The following RAB3GAP1 variants were observed in gnomAD, a reference collection of about 807,000 sequenced individuals.
The protein encoded by RAB3GAP1 is rab3 GTPase-activating protein catalytic subunit.
Under a neutral mutation model 130.7 loss-of-function variants are expected in RAB3GAP1, and 86 were observed. That is an observed-to-expected ratio of 0.66 (90% CI 0.55 to 0.79). The LOEUF is 0.79. RAB3GAP1 is among the 30% of genes least tolerant of loss of function. The pLI is 0.00. For synonymous variants in RAB3GAP1, 367 were observed against 401.7 expected (o/e 0.91, Z 1.03); for missense variants, 1,029 against 1,169.4 (o/e 0.88, Z 1.75).
intron 3 of RAB3GAP1, among the ~76,000 whole-genome samples, chr2:135,068,346 T>C (rs1178810452): frequency 6.6e-6 from 1 of 152,142 alleles, no homozygotes; most frequent in East Asian, 1.9e-4. Context: ...GCACAATAAC[T>C]AAATTTGTGA....
intron 19 of RAB3GAP1, among the ~76,000 whole-genome samples, chr2:135,158,388 G>GGGGCATTTCATAGAGAGC (rs1222264727): frequency 1.3e-5 from 2 of 152,120 alleles, no homozygotes; most frequent in African/African-American, 4.8e-5. Flanking sequence ...AAAAAAGATG[G>GGGGCATTTCATAGAGAGC]GGGCATTTCA....
intron 3 of RAB3GAP1, among the ~76,000 whole-genome samples, chr2:135,066,365 A>G (rs1046081236): frequency 6.6e-6 from 1 of 152,248 alleles, no homozygotes; most frequent in African/African-American, 2.4e-5. Flanking sequence ...AGCACCAGCT[A>G]TGGTATTGGT....
At chr2:135,125,046 A>G (rs1319339506) in intron 9 of RAB3GAP1, among the ~76,000 whole-genome samples, 2 of 152,266 alleles carry the variant, frequency 1.3e-5, no homozygotes, top group Admixed American at 1.3e-4. Flanking sequence ...TGCAACCATC[A>G]TAATCATCTA....
intron 8 of RAB3GAP1, 111 bp from the exon 9 acceptor site, chr2:135,124,054 C>T (rs1355097666): frequency 2.0e-6 from 2 of 1,017,008 alleles, no homozygotes; most frequent in Admixed American, 3.9e-5. Context: ...TAACTTGCTA[C>T]ATGTGTTCTC....
intron 5 of RAB3GAP1, among the ~76,000 whole-genome samples, chr2:135,108,991 A>G (rs180982997): frequency 6.6e-6 from 1 of 152,092 alleles, no homozygotes; most frequent in Admixed American, 6.5e-5. Context: ...GACTATATTT[A>G]TCTGGGTCTA....
At chr2:135,071,641 T>C (rs1689474827) in intron 3 of RAB3GAP1, among the ~76,000 whole-genome samples, 1 of 152,168 alleles carries the variant, frequency 6.6e-6, no homozygotes, top group South Asian at 2.1e-4. Flanking sequence ...AGGAAGGAGC[T>C]GGAGGGGCCT....
chr2:135,102,973 C>T (rs562556184), intron 5 of RAB3GAP1, among the ~76,000 whole-genome samples: 2 of 134,440 alleles, frequency 1.5e-5, no homozygotes, highest in South Asian at 4.7e-4. Flanking sequence ...CAAGATCGCA[C>T]ACCAGACTGG....
chr2:135,173,529 G>C (rs542440913), downstream of RAB3GAP1, among the ~76,000 whole-genome samples: 1 of 152,284 alleles, frequency 6.6e-6, no homozygotes, highest in Non-Finnish European at 1.5e-5. Flanking sequence ...TCTATGCAGA[G>C]GAGCAAATGC....
Position 135,168,943 on chromosome 2 carries a change from A to G in RAB3GAP1, c.*162A>G. On this transcript the variant is annotated 3_prime_UTR_variant, in exon 24 of 24. Transcript: ENST00000264158. ...GAAAGACTTCCCAGCACCAAGCTTG[A>G]GCTGTGTCGTTTCGTGGAGGGGGCA... The G allele has an allele frequency of 1.8e-6, 1 of 548,962 alleles. No individual in the cohort carries two copies. Among genetic ancestry groups the G allele is most frequent in the Non-Finnish European group, 3.4e-6 (1 of 297,904 alleles). 34.0% of individuals were successfully genotyped at this position (548,962 alleles called of 1,614,324 possible).
In RAB3GAP1 at chr2:135,081,328, ATATATAT is replaced by A. The variant is rs1421763057; in HGVS notation, c.151-9669_151-9663del. ...TCTCAAAAAAAAAAAAAAAAAAAAA[ATATATAT>A]ATATATATATATATATATATATATA... is the stretch of plus-strand genomic sequence containing the variant. On this transcript the variant is annotated intron_variant, in intron 3 of 23. Coordinates refer to ENST00000264158, the MANE Select transcript of RAB3GAP1 (RefSeq NM_012233.3). Among the ~76,000 whole-genome samples the A allele has an allele frequency of 2.3e-3, 128 of 55,378 alleles. 1 individual carries two copies. The highest frequency in any genetic ancestry group is 0.013 in the African/African-American group (119 of 9,424). 36.3% of individuals were successfully genotyped at this position (55,378 alleles called of 152,430 possible). A position where few individuals can be genotyped will look rare whatever the true frequency, so the allele number is the denominator to read the frequency against.
intron 23 of RAB3GAP1, among the ~76,000 whole-genome samples, chr2:135,167,995 C>T (rs1230460475): frequency 6.6e-6 from 1 of 152,200 alleles, no homozygotes; most frequent in Non-Finnish European, 1.5e-5. Flanking sequence ...TTTAATATTG[C>T]GAACTTCTCT....
intron 18 of RAB3GAP1, among the ~76,000 whole-genome samples, chr2:135,152,483 T>C (rs1692203604): frequency 6.6e-6 from 1 of 152,236 alleles, no homozygotes; most frequent in South Asian, 2.1e-4. Flanking sequence ...ACTCTGGGCC[T>C]CTGGTTTCCT....
Position 135,162,770 on chromosome 2 carries a change from A to G in RAB3GAP1, c.2409A>G (p.Ser803=). 2 of 1,613,466 alleles carry G rather than the reference A, an allele frequency of 1.2e-6. No homozygotes were observed. The highest frequency in any genetic ancestry group is 1.7e-6 in the Non-Finnish European group (2 of 1,179,378). ...KEEESLENIS[S]VKKIIKQIIS... is the part of the protein sequence containing the mutation. ...TAGAAAGTCTCGAAAACATTTCTTC[A>G]GTTAAGAAGATCATAAAGCAGATAA... The change falls in exon 21 of 24, where the codon TCA becomes TCG. Residue 803 remains serine (S), a synonymous_variant. Transcript: ENST00000264158.
intron 3 of RAB3GAP1, among the ~76,000 whole-genome samples, chr2:135,075,768 C>T (rs1036187162): frequency 6.6e-6 from 1 of 151,374 alleles, no homozygotes; most frequent in Non-Finnish European, 1.5e-5. Context: ...AACTAAAATT[C>T]GTGGGAGTCA....
Position 135,170,312 on chromosome 2 carries a change from C to G in RAB3GAP1, c.*1531C>G, listed in dbSNP as rs1028315672. 1 of 152,182 alleles carries G rather than the reference C, an allele frequency of 6.6e-6. No homozygotes were observed. The highest frequency in any genetic ancestry group is 1.5e-5 in the Non-Finnish European group (1 of 68,056). The allele number at this position is 152,182 out of a possible 1,614,324, so 9.4% of individuals were successfully genotyped here. A position where few individuals can be genotyped will look rare whatever the true frequency, so the allele number is the denominator to read the frequency against. ...TCTGTGGCGTTTTCTTTCATTTTCT[C>G]CCGCTGAGGCATTTCAGTCTAATTT... On this transcript the variant is annotated 3_prime_UTR_variant, in exon 24 of 24. Transcript: ENST00000264158.
chr2:135,081,062 T>G (rs1689781501), intron 3 of RAB3GAP1, among the ~76,000 whole-genome samples: 1 of 151,954 alleles, frequency 6.6e-6, no homozygotes, highest in Non-Finnish European at 1.5e-5. Context: ...AGCTGGAAAT[T>G]TTGCCATGAA....
intron 20 of RAB3GAP1, 38 bp from the exon 21 acceptor site, chr2:135,162,710 A>G (rs1692499692): frequency 6.2e-7 from 1 of 1,605,926 alleles, no homozygotes; most frequent in South Asian, 1.1e-5. Context: ...TATTTTGCTT[A>G]ATTTATTTAA....
At chr2:135,072,520 C>T (rs1283122624) in intron 3 of RAB3GAP1, among the ~76,000 whole-genome samples, 1 of 152,156 alleles carries the variant, frequency 6.6e-6, no homozygotes, top group African/African-American at 2.4e-5. Flanking sequence ...TTTAGTTAGA[C>T]ACAACATAGG....
At chr2:135,121,626 T>C (rs1401267048) in intron 8 of RAB3GAP1, among the ~76,000 whole-genome samples, 1 of 152,200 alleles carries the variant, frequency 6.6e-6, no homozygotes, top group Admixed American at 6.5e-5. Context: ...TAATAAGGAA[T>C]ATAATACAAA....
Sources: allele counts gnomAD v4.1 joint callset (sites outside exome capture counted in the v4.1 genomes callset), GRCh38; gene constraint gnomAD v4.1.1; transcripts MANE v1.5; gene names NCBI Gene and HGNC (gene_info 2026-07-23, HGNC 2026-07-21).